Variants in PLCH1 observed in about 807,000 individuals in gnomAD.
The protein encoded by PLCH1 is phospholipase C eta 1.
In PLCH1, 60 loss-of-function variants were observed where a neutral mutation model predicts 126.7. The observed-to-expected ratio is 0.47, with a 90% CI of 0.38 to 0.59. PLCH1 has a LOEUF of 0.59. Among genes scored for constraint, PLCH1 ranks in the 20% least tolerant of loss-of-function variants. PLCH1 has a pLI of 0.00. For missense variants in PLCH1, 1,723 were observed against 2,040.0 expected, an observed-to-expected ratio of 0.84 and a Z score of 2.99; for synonymous variants, 719 against 734.9, an observed-to-expected ratio of 0.98 and a Z score of 0.35.
chr3:155,707,549 C>A (rs1746769830), intron 1 of PLCH1, among the ~76,000 whole-genome samples: 1 of 151,522 alleles, frequency 6.6e-6, no homozygotes, highest in African/African-American at 2.4e-5. Flanking sequence ...ATTAGCCAGG[C>A]GTGGGGGTGG....
At chr3:155,483,985 C>G (rs916373633) in intron 22 of PLCH1, among the ~76,000 whole-genome samples, 1 of 151,924 alleles carries the variant, frequency 6.6e-6, no homozygotes, top group African/African-American at 2.4e-5. Context: ...TTGAAAACCT[C>G]AAAAAATTAT....
At chr3:155,558,794 C>T (rs116788850) in intron 8 of PLCH1, among the ~76,000 whole-genome samples, 4,297 of 152,078 alleles carry the variant, frequency 0.028, 74 homozygotes, top group African/African-American at 0.047. Flanking sequence ...TAACTGAAAC[C>T]ATGGAAAATG....
intron 1 of PLCH1, among the ~76,000 whole-genome samples, chr3:155,724,702 C>T (rs1748183887): frequency 6.6e-6 from 1 of 151,880 alleles, no homozygotes. Context: ...TTCTGCCATT[C>T]TGTATATTTT....
At chr3:155,608,835 C>G (rs1734710906) in intron 2 of PLCH1, among the ~76,000 whole-genome samples, 1 of 152,092 alleles carries the variant, frequency 6.6e-6, no homozygotes. Context: ...CCTGAGAAAC[C>G]AGAATATTTA....
At chr3:155,734,778 G>A (rs549751791) in intron 1 of PLCH1, among the ~76,000 whole-genome samples, 115 of 148,958 alleles carry the variant, frequency 7.7e-4, no homozygotes, top group Admixed American at 4.8e-3. Flanking sequence ...GTGCAATCTC[G>A]GCTCACTGCA....
chr3:155,706,169 T>G (rs1345092347), intron 1 of PLCH1, among the ~76,000 whole-genome samples: 1 of 59,192 alleles, frequency 1.7e-5, no homozygotes, highest in African/African-American at 8.6e-5. Flanking sequence ...CAAGACTCTA[T>G]CTCAAAAAAA....
At chr3:155,522,385 C>A (rs1447387062) in intron 11 of PLCH1, among the ~76,000 whole-genome samples, 1 of 152,140 alleles carries the variant, frequency 6.6e-6, no homozygotes, top group Non-Finnish European at 1.5e-5. Flanking sequence ...GTAACCATAG[C>A]CCTATTAATT....
At chr3:155,710,551 G>A (rs1364231239) in intron 1 of PLCH1, among the ~76,000 whole-genome samples, 1 of 152,298 alleles carries the variant, frequency 6.6e-6, no homozygotes, top group South Asian at 2.1e-4. Flanking sequence ...CTAGTTCTAT[G>A]GCTGGGTGCG....
Position 155,494,149 on chromosome 3 carries a change from A to G in PLCH1, c.2174T>C (p.Met725Thr), listed in dbSNP as rs762877833. Reference protein sequence around the residue: ...NCGYVLKPQQMCKGTFNPFSG... With the variant: ...NCGYVLKPQQTCKGTFNPFSG... ...ATGAAATTAATACACACCTTTGCACATTTGCTGGGGTTTGAGGACATAGCC... is the reference window on the plus strand; with the variant it reads ...ATGAAATTAATACACACCTTTGCACGTTTGCTGGGGTTTGAGGACATAGCC... The change falls in exon 17 of 23, where the codon ATG (methionine) becomes ACG (threonine). Residue 725 changes from methionine to threonine, a missense_variant. Coordinates refer to ENST00000460012, the MANE Select transcript of PLCH1 (RefSeq NM_014996.4). 5 of 1,612,788 alleles carry G rather than the reference A, an allele frequency of 3.1e-6. No homozygotes were observed. The highest frequency in any genetic ancestry group is 4.2e-6 in the Non-Finnish European group (5 of 1,178,828).
intron 1 of PLCH1, among the ~76,000 whole-genome samples, chr3:155,727,636 T>TG (rs1559966994): frequency 6.6e-6 from 1 of 151,964 alleles, no homozygotes; most frequent in Non-Finnish European, 1.5e-5. Context: ...GATCCGCCCG[T>TG]CTCGGCCTCC....
intron 2 of PLCH1, among the ~76,000 whole-genome samples, chr3:155,600,161 G>T (rs2108673563): frequency 6.6e-6 from 1 of 152,206 alleles, no homozygotes; most frequent in East Asian, 1.9e-4. Flanking sequence ...ACAATGCCTT[G>T]TAATTACAAA....
chr3:155,586,226 C>G lies in PLCH1; in HGVS notation c.471-32G>C, dbSNP rs768238768. ...AAAGGTCAAAGAAAACACCTGTGCT[C>G]TCATCAAAATTAAAAACTGCTCTCT... On this transcript the variant is annotated intron_variant, in intron 4 of 22. Coordinates refer to ENST00000460012, the MANE Select transcript of PLCH1 (RefSeq NM_014996.4). The G allele has an allele frequency of 6.8e-6, 11 of 1,607,866 alleles. No individual in the cohort carries two copies. The East Asian group carries it at 1.3e-4, about 20-fold the overall frequency.
Position 155,485,627 on chromosome 3 carries a change from C to T in PLCH1, c.2703G>A (p.Arg901=). Residue 901 remains arginine (R), a synonymous_variant, in exon 22 of 23, where the codon CGG becomes CGA. Coordinates refer to ENST00000460012, the MANE Select transcript of PLCH1 (RefSeq NM_014996.4). ...GAATTCTATCTCCAATGGATCGCTT[C>T]CGTACATAATGGGAATTGTTTTCTG... ...SSSENNSHYV[R]KRSIGDRILR... is the part of the protein sequence containing the mutation. 6.2e-7 allele frequency: 1 copy of T among 1,612,630 alleles called. No homozygotes were observed. Among genetic ancestry groups the T allele is most frequent in the Non-Finnish European group, 8.5e-7 (1 of 1,179,994 alleles).
In PLCH1 at chr3:155,620,634, G is replaced by A. The variant is rs868261569; in HGVS notation, c.80-24256C>T. On this transcript the variant is annotated intron_variant, in intron 2 of 22. Transcript: ENST00000460012. The stretch of plus-strand genomic sequence containing the variant: ...AGTAAGAAAGAGCTGCAACCGTGGG[G>A]AAAGTGGGAGTTGTATAAGAAAGAT... 2.6e-5 allele frequency among the ~76,000 whole-genome samples: 4 copies of A among 152,288 alleles called. No homozygotes were observed. The South Asian group carries it at 8.3e-4, about 32-fold the overall frequency.
intron 1 of PLCH1, 113 bp from the exon 2 acceptor site, chr3:155,704,377 C>T (rs1413835107): frequency 2.5e-6 from 1 of 396,472 alleles, no homozygotes; most frequent in African/African-American, 2.1e-5. Context: ...ATACGGCATA[C>T]AACTTCTCCA....
Position 155,636,082 on chromosome 3 carries a change from A to T in PLCH1, c.80-39704T>A, listed in dbSNP as rs182311121. ...TTTCATCGTATCTTTTTTAAGAGGAAAGAAAACTTTTTCAAAAGTGCCCCA... is the reference window on the plus strand; with the variant it reads ...TTTCATCGTATCTTTTTTAAGAGGATAGAAAACTTTTTCAAAAGTGCCCCA... On this transcript the variant is annotated intron_variant, in intron 2 of 22. Transcript: ENST00000460012. 1.6e-4 allele frequency among the ~76,000 whole-genome samples: 24 copies of T among 152,258 alleles called. No homozygotes were observed. The East Asian group carries it at 3.5e-3, about 22-fold the overall frequency.
At chr3:155,468,902 G>T (rs576141417) in intron 21 of PLCH1, among the ~76,000 whole-genome samples, 1 of 152,014 alleles carries the variant, frequency 6.6e-6, no homozygotes, top group African/African-American at 2.4e-5. Flanking sequence ...GACTTAATCC[G>T]CACTACAGAC....
intron 2 of PLCH1, among the ~76,000 whole-genome samples, chr3:155,636,148 G>A (rs1738694030): frequency 6.6e-6 from 1 of 152,226 alleles, no homozygotes; most frequent in Admixed American, 6.5e-5. Flanking sequence ...CCAGCATTGT[G>A]TCACTTGTTC....
rs577678604 is a variant in PLCH1, at chr3:155,483,557, A to C, written c.2975-506T>G. Among the ~76,000 whole-genome samples, 452 of 152,290 alleles carry C rather than the reference A, an allele frequency of 3.0e-3. 2 individuals are homozygous for C. Among genetic ancestry groups the C allele is most frequent in the African/African-American group, 9.6e-3 (399 of 41,570 alleles). The stretch of plus-strand genomic sequence containing the variant: ...TTCAAAACATTTTGGGAGCATATTT[A>C]ATTTAGTCAATTAATTTCTAAAATA... On this transcript the variant is annotated intron_variant, in intron 22 of 22. Coordinates refer to ENST00000460012, the MANE Select transcript of PLCH1 (RefSeq NM_014996.4).
Sources: gnomAD v4.1 joint callset for allele counts (sites outside exome capture counted in the v4.1 genomes callset) on GRCh38, gnomAD v4.1.1 for gene constraint, MANE v1.5 for transcripts, NCBI Gene and HGNC (gene_info 2026-07-23, HGNC 2026-07-21) for gene names.